RGL1: variants seen among roughly 807,000 people sequenced by gnomAD.
RGL1 encodes the protein ral guanine nucleotide dissociation stimulator-like 1.
In RGL1, 24 loss-of-function variants were observed where a neutral mutation model predicts 95.2. That is an observed-to-expected ratio of 0.25 (90% confidence interval 0.18 to 0.35). The LOEUF (loss-of-function observed/expected upper bound fraction) is 0.35. Among genes scored for constraint, RGL1 ranks in the 10% least tolerant of loss-of-function variants. The pLI is 1.00. For missense variants in RGL1, 715 were observed against 936.3 expected, an observed-to-expected ratio of 0.76 and a Z score of 3.08; for synonymous variants, 329 against 344.9, an observed-to-expected ratio of 0.95 and a Z score of 0.51.
chr1:183,717,739 T>C (rs981918160), intron 1 of RGL1, among the ~76,000 whole-genome samples: 1 of 152,152 alleles, frequency 6.6e-6, no homozygotes, highest in Non-Finnish European at 1.5e-5. Flanking sequence ...GGAGGAGGCA[T>C]AAACAAGTAA....
intron 1 of RGL1, among the ~76,000 whole-genome samples, chr1:183,652,015 C>T (rs1397449763): frequency 1.3e-5 from 2 of 152,196 alleles, no homozygotes; most frequent in East Asian, 1.9e-4. Context: ...CAGGTTACTG[C>T]TCAGATTACA....
chr1:183,804,963 C>G (rs1374393737), upstream of RGL1, among the ~76,000 whole-genome samples: 2 of 152,212 alleles, frequency 1.3e-5, no homozygotes, highest in Non-Finnish European at 2.9e-5. Context: ...TCCCAATCAC[C>G]TTCAGAACTG....
chr1:183,891,189 TC>T (rs1667396247), intron 8 of RGL1, among the ~76,000 whole-genome samples: 1 of 152,190 alleles, frequency 6.6e-6, no homozygotes. Flanking sequence ...TAAAACAGGC[TC>T]TTAATAATGG....
intron 2 of RGL1, among the ~76,000 whole-genome samples, chr1:183,791,937 C>T (rs962149336): frequency 6.6e-6 from 1 of 152,120 alleles, no homozygotes; most frequent in Non-Finnish European, 1.5e-5. Flanking sequence ...CATGTGAATT[C>T]ATGGTTTCAA....
intron 1 of RGL1, chr1:183,648,906 A>AT: frequency 1.3e-6 from 1 of 749,350 alleles, no homozygotes; most frequent in Non-Finnish European, 2.1e-6. Context: ...TAAAGGAAGT[A>AT]GCACAATAAA....
chr1:183,847,896 G>A, intron 3 of RGL1, 122 bp downstream of exon 3: 1 of 715,272 alleles, frequency 1.4e-6, no homozygotes, highest in East Asian at 2.6e-5. Flanking sequence ...AGATTAACGG[G>A]AAGGGATGAC....
intron 2 of RGL1, among the ~76,000 whole-genome samples, chr1:183,757,013 G>GTT (rs1558190522): frequency 1.1e-5 from 1 of 89,668 alleles, no homozygotes. Context: ...TAGTTGGGTG[G>GTT]TTTGTTTGTT....
intron 2 of RGL1, among the ~76,000 whole-genome samples, chr1:183,828,577 A>G (rs563438116): frequency 1.3e-5 from 2 of 152,250 alleles, no homozygotes; most frequent in African/African-American, 2.4e-5. Flanking sequence ...GGCTCTGTCA[A>G]TTACTAGTAA....
intron 1 of RGL1, chr1:183,646,441 AAATT>A (rs1428368165): frequency 1.3e-5 from 2 of 152,056 alleles, no homozygotes; most frequent in African/African-American, 2.4e-5. Context: ...ATAAAGAAAA[AAATT>A]AATAGCAAGT....
chr1:183,904,048 C>T (rs1033983131), intron 12 of RGL1, among the ~76,000 whole-genome samples: 13 of 152,172 alleles, frequency 8.5e-5, no homozygotes, highest in Admixed American at 2.0e-4. Flanking sequence ...CCCTCTCTGT[C>T]ATTTAACTTC....
chr1:183,879,347 G>A (rs1666692661), intron 4 of RGL1, among the ~76,000 whole-genome samples: 1 of 152,180 alleles, frequency 6.6e-6, no homozygotes, highest in African/African-American at 2.4e-5. Flanking sequence ...AAATCAAGAT[G>A]TGAAGAAAGT....
intron 5 of RGL1, among the ~76,000 whole-genome samples, chr1:183,882,057 A>G (rs1666852928): frequency 6.6e-6 from 1 of 152,236 alleles, no homozygotes; most frequent in Non-Finnish European, 1.5e-5. Context: ...GGCAGGGGAG[A>G]GGGAGATTGC....
intron 1 of RGL1, among the ~76,000 whole-genome samples, chr1:183,727,822 G>A (rs1030619323): frequency 2.0e-5 from 3 of 152,122 alleles, no homozygotes; most frequent in African/African-American, 7.2e-5. Context: ...ATTTTAAAAA[G>A]GACAATATTA....
intron 2 of RGL1, among the ~76,000 whole-genome samples, chr1:183,787,408 G>A (rs929967819): frequency 6.6e-6 from 1 of 152,242 alleles, no homozygotes; most frequent in East Asian, 1.9e-4. Context: ...CCTCTCTCAA[G>A]AGAGATCCCA....
chr1:183,922,324 T>A lies in RGL1; in HGVS notation c.2107T>A (p.Ser703Thr), dbSNP rs780987654. The change falls in exon 17 of 18, where the codon TCG becomes ACG. Residue 703 changes from serine to threonine, a missense_variant. Ser to Thr is a moderately conservative substitution (Grantham distance 58). Around this residue, in one of 3 missense-constraint regions of RGL1, gnomAD observed 330 missense variants for 429.6 expected, o/e 0.77. Transcript: ENST00000360851. ...AEEYELVQVI[S>T]EDKELVIPDS... ...GGAGTACGAGCTGGTGCAGGTCATC[T>A]CGGAGGACAAAGGTGGGCATCCTTC... 12 of 1,613,390 alleles carry A rather than the reference T, an allele frequency of 7.4e-6. No homozygotes were observed. Among genetic ancestry groups the A allele is most frequent in the Non-Finnish European group, 9.3e-6 (11 of 1,179,698 alleles).
chr1:183,701,158 A>G (rs570187503), intron 1 of RGL1, among the ~76,000 whole-genome samples: 6 of 152,208 alleles, frequency 3.9e-5, no homozygotes, highest in African/African-American at 1.2e-4. Flanking sequence ...AGATTGATCA[A>G]TTGTTGCCCT....
chr1:183,835,715 C>A (rs181697863), intron 2 of RGL1, among the ~76,000 whole-genome samples: 32 of 152,270 alleles, frequency 2.1e-4, no homozygotes, highest in African/African-American at 7.2e-4. Context: ...CAGATGTAAT[C>A]AGACTTAACT....
chr1:183,889,342 A>T (rs1180424428), intron 8 of RGL1, among the ~76,000 whole-genome samples: 1 of 152,198 alleles, frequency 6.6e-6, no homozygotes, highest in Non-Finnish European at 1.5e-5. Context: ...AAGTTTGCCC[A>T]GGTTTGAACT....
chr1:183,865,824 C>G (rs925023356), intron 3 of RGL1, among the ~76,000 whole-genome samples, 172 bp from the exon 4 acceptor site: 3 of 152,198 alleles, frequency 2.0e-5, no homozygotes, highest in Admixed American at 2.0e-4. Context: ...GCAGATATAT[C>G]CATTAAGTAA....
Sources: allele counts gnomAD v4.1 joint callset (sites outside exome capture counted in the v4.1 genomes callset), GRCh38; gene constraint gnomAD v4.1.1; regional missense constraint gnomAD v4.1.1; transcripts MANE v1.5; gene names NCBI Gene and HGNC (gene_info 2026-07-23, HGNC 2026-07-21).